Variants in MYOM2 observed in about 807,000 individuals in gnomAD.
MYOM2 encodes myomesin 2, also known as myomesin-2.
In MYOM2, 254 loss-of-function variants were observed where a neutral mutation model predicts 187.6. That is an observed-to-expected ratio of 1.35 (90% CI 1.22 to 1.50). The LOEUF (loss-of-function observed/expected upper bound fraction) is 1.50, where lower values mean the gene tolerates loss of function less well. MYOM2 is among the 40% of genes most tolerant of loss of function. MYOM2 has a pLI of 0.00. For synonymous variants in MYOM2, 981 were observed against 753.8 expected (o/e 1.30, Z -4.94); for missense variants, 2,796 against 1,924.0 (o/e 1.45, Z -8.48).
At chr8:2,067,748 T>A (rs1270425058) in intron 6 of MYOM2, among the ~76,000 whole-genome samples, 2 of 28,026 alleles carry the variant, frequency 7.1e-5, no homozygotes, top group African/African-American at 2.3e-4. Flanking sequence ...TAAGTCATGT[T>A]TTTTTTTGTT....
intron 32 of MYOM2, 71 bp downstream of exon 32, chr8:2,129,303 G>T (rs565136904): frequency 4.0e-6 from 4 of 1,005,268 alleles, no homozygotes; most frequent in African/African-American, 3.2e-5. Context: ...CTGGGACCAG[G>T]CGCTCCCTGG....
At chr8:2,107,542 C>G (rs529811602) in intron 23 of MYOM2, among the ~76,000 whole-genome samples, 5 of 152,192 alleles carry the variant, frequency 3.3e-5, no homozygotes, top group Non-Finnish European at 5.9e-5. Context: ...GGCAGGTATC[C>G]ACGGAGGGGG....
rs565436417 is a variant in MYOM2, at chr8:2,128,827, C to T, written c.3695-300C>T. 2.6e-5 allele frequency among the ~76,000 whole-genome samples: 4 copies of T among 152,296 alleles called. No homozygotes were observed. In the South Asian group the frequency reaches 8.3e-4, roughly 32 times the overall value. ...TTGCCATGCACTGTTGTTATTTTGC[C>T]TCCTTTTCTTAAGCAAAGCTGCTGA... On this transcript the variant is annotated intron_variant, in intron 31 of 36. Coordinates refer to ENST00000262113, the MANE Select transcript of MYOM2 (RefSeq NM_003970.4).
At chr8:2,108,690 G>T in intron 23 of MYOM2, 96 bp from the exon 24 acceptor site, 1 of 1,145,548 alleles carries the variant, frequency 8.7e-7, no homozygotes, top group Non-Finnish European at 1.3e-6. Context: ...TAAATCCTGG[G>T]GGTTTCCAAT....
chr8:2,111,530 A>G (rs576666377), intron 25 of MYOM2, among the ~76,000 whole-genome samples: 1 of 152,320 alleles, frequency 6.6e-6, no homozygotes, highest in South Asian at 2.1e-4. Context: ...GGTGAGGATA[A>G]TGTCATACAA....
At chr8:2,111,265 T>C (rs796885811) in intron 25 of MYOM2, among the ~76,000 whole-genome samples, 64 of 152,362 alleles carry the variant, frequency 4.2e-4, no homozygotes, top group African/African-American at 1.5e-3. Flanking sequence ...ATTGATGCTA[T>C]TTTGTGGAAG....
At position 2,116,084 on chromosome 8, in the gene MYOM2, C is replaced by T. The variant is rs376892108; in HGVS notation, c.3305C>T (p.Ser1102Phe). 4.0e-5 allele frequency: 64 copies of T among 1,612,802 alleles called. No individual in the cohort carries two copies. The highest frequency in any genetic ancestry group is 5.4e-5 in the Non-Finnish European group (64 of 1,179,854). ...GATGGGAAAGCCAAAAGTCAGTCTT[C>T]TCTAGTTCTTATTGGAGATGGTATG... ...IHDGKAKSQS[S>F]LVLIGDAFKT... Residue 1102 changes from serine (S) to phenylalanine (F), a missense_variant, in exon 26 of 37, where the codon TCT becomes TTT. Transcript: ENST00000262113.
chr8:2,086,332 C>CTCCCACTGTTGTGATCTCTGCGTGG (rs1796047189), intron 14 of MYOM2, among the ~76,000 whole-genome samples: 1 of 70,304 alleles, frequency 1.4e-5, no homozygotes, highest in African/African-American at 7.4e-5. Context: ...TCTGCGTGGC[C>CTCCCACTGTTGTGATCTCTGCGTGG]CCCCACTGTT....
In MYOM2 at chr8:2,116,280, GT is replaced by G; in HGVS notation, c.3385+8del. The G allele has an allele frequency of 3.1e-6, 5 of 1,612,296 alleles. No homozygotes were observed. Among genetic ancestry groups the G allele is most frequent in the Non-Finnish European group, 4.2e-6 (5 of 1,179,020 alleles). On this transcript the variant is annotated splice_donor_region_variant and intron_variant, in intron 27 of 36. Transcript: ENST00000262113. ...AAGAATTTCTCAGGAAACAAGGTGA[GT>G]TTCCTCACTCTGACCGGCTCCCCTG...
chr8:2,054,976 C>T (rs551642792), intron 3 of MYOM2, among the ~76,000 whole-genome samples: 1 of 125,282 alleles, frequency 8.0e-6, no homozygotes, highest in Non-Finnish European at 1.9e-5. Flanking sequence ...AACCAAGTAC[C>T]TGGATACTGG....
At chr8:2,144,249 T>G (rs1312482887) in intron 36 of MYOM2, among the ~76,000 whole-genome samples, 2 of 151,360 alleles carry the variant, frequency 1.3e-5, no homozygotes, top group African/African-American at 4.9e-5. Context: ...TTACCAGTTA[T>G]AAAACGATAT....
intron 9 of MYOM2, among the ~76,000 whole-genome samples, 158 bp downstream of exon 9, chr8:2,072,667 C>T (rs760106893): frequency 5.9e-5 from 9 of 152,310 alleles, no homozygotes; most frequent in East Asian, 1.9e-4. Flanking sequence ...GGTGGCCCAC[C>T]GTTCGCCTTG....
chr8:2,103,217 A>G (rs959398797), intron 21 of MYOM2, among the ~76,000 whole-genome samples: 1 of 151,788 alleles, frequency 6.6e-6, no homozygotes, highest in Non-Finnish European at 1.5e-5. Context: ...GAGAGTGTGC[A>G]TGTTTTATGT....
rs189339353 is a variant in MYOM2 at position 2,085,578 on chromosome 8, G to A, written c.1644+188G>A. 1.5e-3 allele frequency among the ~76,000 whole-genome samples: 18 copies of A among 12,342 alleles called. 3 individuals carry two copies. Among genetic ancestry groups the A allele is most frequent in the Admixed American group, 2.6e-3 (2 of 764 alleles). The allele number at this position is 12,342 out of a possible 152,430, so 8.1% of individuals were successfully genotyped here. A position where few individuals can be genotyped will look rare whatever the true frequency, so the allele number is the denominator to read the frequency against. ...ATGATCTCTGCGTGGCCCCACTGTT[G>A]TGATCTCTGCGTGGCCCCACTGTCG... On this transcript the variant is annotated intron_variant, in intron 14 of 36. Transcript: ENST00000262113.
Position 2,092,336 on chromosome 8 carries a change from C to T in MYOM2, c.1829-10C>T. Reference sequence around the variant, plus strand: ...GCCATTTCACCACTCCTTTTGTCTCCTACGAAAAGTTGTCCCTTCTGCTCC... The same window carrying T: ...GCCATTTCACCACTCCTTTTGTCTCTTACGAAAAGTTGTCCCTTCTGCTCC... On this transcript the variant is annotated splice_polypyrimidine_tract_variant and intron_variant, in intron 15 of 36. Coordinates refer to ENST00000262113, the MANE Select transcript of MYOM2 (RefSeq NM_003970.4). The T allele has an allele frequency of 6.2e-7, 1 of 1,613,134 alleles. No individual in the cohort carries two copies. The highest frequency in any genetic ancestry group is 1.1e-5 in the South Asian group (1 of 90,924).
At chr8:2,087,793 A>AT (rs574301167) in intron 14 of MYOM2, among the ~76,000 whole-genome samples, 1 of 151,826 alleles carries the variant, frequency 6.6e-6, no homozygotes, top group Non-Finnish European at 1.5e-5. Flanking sequence ...TGATTTTTAA[A>AT]TTTTTTTTAT....
chr8:2,124,269 T>A, intron 31 of MYOM2, 52 bp downstream of exon 31: 2 of 1,542,392 alleles, frequency 1.3e-6, no homozygotes, highest in Non-Finnish European at 1.8e-6. Flanking sequence ...GAAATCACTA[T>A]TTCCTGACAC....
At chr8:2,118,624 T>A (rs755103746) in intron 28 of MYOM2, among the ~76,000 whole-genome samples, 38 of 152,012 alleles carry the variant, frequency 2.5e-4, no homozygotes, top group Non-Finnish European at 4.4e-4. Context: ...AAAAGATGGT[T>A]CTAGGAAGAT....
intron 21 of MYOM2, among the ~76,000 whole-genome samples, chr8:2,105,624 G>T (rs1796862526): frequency 6.6e-6 from 1 of 152,046 alleles, no homozygotes; most frequent in Non-Finnish European, 1.5e-5. Context: ...GCCCTAAGAG[G>T]TTTTCTGCAG....
Sources: gnomAD v4.1 joint callset for allele counts (sites outside exome capture counted in the v4.1 genomes callset) on GRCh38, gnomAD v4.1.1 for gene constraint, MANE v1.5 for transcripts, NCBI Gene and HGNC (gene_info 2026-07-23, HGNC 2026-07-21) for gene names.